The following PCDH15 variants were observed in gnomAD, a reference collection of about 807,000 sequenced individuals.
PCDH15 encodes protocadherin related 15, also known as protocadherin-15.
In PCDH15, 129 loss-of-function variants were observed where a neutral mutation model predicts 178.5. The observed-to-expected ratio is 0.72, with a 90% CI of 0.63 to 0.84. The LOEUF (loss-of-function observed/expected upper bound fraction) is 0.84. Ranked by LOEUF, PCDH15 falls within the 40% of genes least tolerant of loss-of-function variation. The probability of loss-of-function intolerance (pLI) is 0.00; values close to 1 mark genes in which losing one functional copy is unlikely to be tolerated. For synonymous variants in PCDH15, 800 were observed against 732.0 expected, an observed-to-expected ratio of 1.09 and a Z score of -1.50; for missense variants, 2,230 against 2,099.9, an observed-to-expected ratio of 1.06 and a Z score of -1.21.
intron 2 of PCDH15, among the ~76,000 whole-genome samples, chr10:55,414,166 C>T (rs1033729608): frequency 3.3e-5 from 5 of 151,412 alleles, no homozygotes; most frequent in African/African-American, 1.2e-4. Flanking sequence ...TATCTTGCCT[C>T]ATTAAAAGTG....
At chr10:54,853,645 T>A (rs1435189938) in intron 3 of PCDH15, among the ~76,000 whole-genome samples, 8 of 109,152 alleles carry the variant, frequency 7.3e-5, no homozygotes, top group Admixed American at 6.5e-4. Flanking sequence ...AAAAAAAGAT[T>A]TTTTTTTCAC....
At chr10:54,943,409 A>G (rs528856454) in intron 2 of PCDH15, among the ~76,000 whole-genome samples, 6 of 151,978 alleles carry the variant, frequency 3.9e-5, no homozygotes, top group Admixed American at 6.6e-5. Flanking sequence ...TGCTCTGCCT[A>G]TGTAATTAGG....
intron 1 of PCDH15, among the ~76,000 whole-genome samples, chr10:54,736,165 TAG>T (rs2132724981): frequency 1.3e-5 from 2 of 152,168 alleles, no homozygotes; most frequent in Non-Finnish European, 2.9e-5. Context: ...TCTAACTCTG[TAG>T]CATGTGACCA....
At chr10:54,497,024 T>A (rs2080186784) in intron 3 of PCDH15, among the ~76,000 whole-genome samples, 1 of 152,114 alleles carries the variant, frequency 6.6e-6, no homozygotes, top group African/African-American at 2.4e-5. Context: ...GTGCTTTTGT[T>A]GGCAGCACTT....
chr10:55,489,818 A>G (rs1461081459), intron 2 of PCDH15, among the ~76,000 whole-genome samples: 2 of 151,702 alleles, frequency 1.3e-5, no homozygotes, highest in African/African-American at 4.8e-5. Context: ...TGGCTCAAAC[A>G]AGTAAACAAT....
chr10:54,290,420 A>C (rs1048895671), intron 8 of PCDH15, among the ~76,000 whole-genome samples: 1 of 152,204 alleles, frequency 6.6e-6, no homozygotes, highest in African/African-American at 2.4e-5. Context: ...AGAAACAACC[A>C]ATACCAGCCA....
Position 55,508,240 on chromosome 10 carries a change from C to T in PCDH15, c.-156+119385G>A, listed in dbSNP as rs561322715. Among the ~76,000 whole-genome samples, 303 of 151,780 alleles carry T rather than the reference C, an allele frequency of 2.0e-3. 1 individual carries two copies. Among genetic ancestry groups the T allele is most frequent in the Middle Eastern group, 0.014 (4 of 294 alleles). ...ATGCCTGCATTCTGTAAGGACTGTG[C>T]TATCCTTTGGTTCAATGAAATTAGC... On this transcript the variant is annotated intron_variant, in intron 2 of 5. Transcript: ENST00000613346.
intron 2 of PCDH15, among the ~76,000 whole-genome samples, chr10:54,986,829 A>G (rs1176405208): frequency 6.6e-6 from 1 of 152,188 alleles, no homozygotes; most frequent in Non-Finnish European, 1.5e-5. Flanking sequence ...GGAAATTTAC[A>G]TAGTAAAACT....
At chr10:54,335,718 T>C (rs143338444) in intron 6 of PCDH15, among the ~76,000 whole-genome samples, 3,111 of 152,252 alleles carry the variant, frequency 0.02, 98 homozygotes, top group African/African-American at 0.063. Context: ...TTTTTCTTTA[T>C]ACATTACCCA....
chr10:54,479,663 C>T (rs1475528770), intron 3 of PCDH15, among the ~76,000 whole-genome samples: 1 of 151,926 alleles, frequency 6.6e-6, no homozygotes, highest in East Asian at 1.9e-4. Flanking sequence ...TGCCCTCCCG[C>T]TACTTATGCT....
chr10:54,926,749 A>T (rs1468421102), intron 2 of PCDH15, among the ~76,000 whole-genome samples: 1 of 151,922 alleles, frequency 6.6e-6, no homozygotes, highest in Non-Finnish European at 1.5e-5. Context: ...CAGATGTGTT[A>T]ATAATATTCT....
rs546558503 is a variant in PCDH15, at chr10:55,215,565, A to G, written c.-155-48914T>C. 9.9e-4 allele frequency among the ~76,000 whole-genome samples: 151 copies of G among 152,212 alleles called. 2 individuals are homozygous for G. The highest frequency in any genetic ancestry group is 3.6e-3 in the African/African-American group (148 of 41,498). On this transcript the variant is annotated intron_variant, in intron 1 of 5. Transcript: ENST00000458638. ...AACACAGGTCACATGTGCAAAATTT[A>G]AGACTGTATTAGGTAGAGGGGAAAA...
chr10:55,349,622 AC>A (rs906619752), intron 2 of PCDH15, among the ~76,000 whole-genome samples: 8 of 152,178 alleles, frequency 5.3e-5, no homozygotes, highest in Admixed American at 4.6e-4. Context: ...TCAAATGGTA[AC>A]TAAAAAAAAG....
At chr10:55,121,149 G>T (rs1236803979) in intron 2 of PCDH15, among the ~76,000 whole-genome samples, 3 of 152,146 alleles carry the variant, frequency 2.0e-5, no homozygotes, top group African/African-American at 7.2e-5. Context: ...CTTAGGGTTG[G>T]AAACCCTTCT....
At chr10:55,531,479 A>G (rs374850214) in intron 2 of PCDH15, among the ~76,000 whole-genome samples, 14 of 152,036 alleles carry the variant, frequency 9.2e-5, no homozygotes, top group African/African-American at 3.1e-4. Flanking sequence ...AAAAATAAAT[A>G]AGAATCTCTG....
At chr10:55,136,163 A>C (rs564405173) in intron 2 of PCDH15, among the ~76,000 whole-genome samples, 1 of 152,168 alleles carries the variant, frequency 6.6e-6, no homozygotes, top group Non-Finnish European at 1.5e-5. Context: ...AAATATAATA[A>C]ATGAAAATTA....
At chr10:55,366,690 A>G in intron 2 of PCDH15, among the ~76,000 whole-genome samples, 1 of 152,180 alleles carries the variant, frequency 6.6e-6, no homozygotes, top group African/African-American at 2.4e-5. Flanking sequence ...TGACAAAATA[A>G]TCCTTAGCAA....
At chr10:55,586,881 C>T (rs1842736186) in intron 2 of PCDH15, among the ~76,000 whole-genome samples, 1 of 152,000 alleles carries the variant, frequency 6.6e-6, no homozygotes, top group Non-Finnish European at 1.5e-5. Flanking sequence ...TGTATTTATT[C>T]ATGCATTTGT....
intron 25 of PCDH15, among the ~76,000 whole-genome samples, chr10:53,917,274 C>T (rs1900453): frequency 0.69 from 104,665 of 151,834 alleles, 36,651 homozygotes; most frequent in East Asian, 1. Context: ...TAATACAAGC[C>T]GAATAGGAAT....
Sources: gnomAD v4.1 joint callset for allele counts (sites outside exome capture counted in the v4.1 genomes callset) on GRCh38, gnomAD v4.1.1 for gene constraint, MANE v1.5 for transcripts, NCBI Gene and HGNC (gene_info 2026-07-23, HGNC 2026-07-21) for gene names.